Variants in STX18 observed in about 807,000 individuals in gnomAD.
STX18 encodes syntaxin 18, also known as syntaxin-18.
A neutral mutation model predicts 50.1 loss-of-function variants in STX18; 40 were observed. That is an observed-to-expected ratio of 0.80 (90% CI 0.62 to 1.04). The LOEUF (loss-of-function observed/expected upper bound fraction) is 1.04. STX18 is among the 50% of genes least tolerant of loss of function. The probability of loss-of-function intolerance (pLI) is 0.00; values close to 1 mark genes in which losing one functional copy is unlikely to be tolerated. For synonymous variants in STX18, 158 were observed against 151.8 expected (o/e 1.04, Z -0.30); for missense variants, 410 against 415.8 (o/e 0.99, Z 0.12).
Position 4,440,957 on chromosome 4 carries a change from CA to C in STX18, c.498-2449del, listed in dbSNP as rs544219731. ...TGCAGTTAGAAGGCAACTAGGGCTG[CA>C]GTCATCTGAAGGGCTGACCAGGGCT... On this transcript the variant is annotated intron_variant, in intron 5 of 10. Coordinates refer to ENST00000306200, the MANE Select transcript of STX18 (RefSeq NM_016930.4). 2.5e-4 allele frequency among the ~76,000 whole-genome samples: 38 copies of C among 152,298 alleles called. 1 individual carries two copies. In the East Asian group the frequency reaches 7.3e-3, roughly 29 times the overall value.
At chr4:4,491,640 C>T (rs1728946592) in intron 1 of STX18, among the ~76,000 whole-genome samples, 1 of 151,970 alleles carries the variant, frequency 6.6e-6, no homozygotes, top group Non-Finnish European at 1.5e-5. Context: ...TAGAAAATGG[C>T]TATGTACTTT....
intron 7 of STX18, among the ~76,000 whole-genome samples, chr4:4,428,573 T>C (rs1175718549): frequency 6.6e-6 from 1 of 152,170 alleles, no homozygotes; most frequent in Non-Finnish European, 1.5e-5. Context: ...TGTCAGTTTC[T>C]GGATATGCAA....
intron 1 of STX18, among the ~76,000 whole-genome samples, chr4:4,522,563 T>A (rs1730555708): frequency 6.6e-6 from 1 of 152,192 alleles, no homozygotes; most frequent in Non-Finnish European, 1.5e-5. Flanking sequence ...TGATTAAAAG[T>A]AACACACTAG....
At chr4:4,456,020 C>CA (rs1312729826) in intron 5 of STX18, among the ~76,000 whole-genome samples, 6 of 152,228 alleles carry the variant, frequency 3.9e-5, no homozygotes, top group African/African-American at 1.4e-4. Context: ...CATGGTGGCT[C>CA]ACGCCTGTAG....
In STX18 at chr4:4,420,037, G is replaced by A; in HGVS notation, c.1005C>T (p.Ser335=). Residue 335 remains serine, a synonymous_variant, in exon 11 of 11, where the codon AGC becomes AGT. Coordinates refer to ENST00000306200, the MANE Select transcript of STX18 (RefSeq NM_016930.4). This position sits in a 1 kb window ranked among gnomAD's most constrained non-coding sequence, Gnocchi z 4.3. ...TGCTGGGCCCCCGTGGCCCTGGCTA[G>A]CTGTCGTACCAGTCGAGGAAGAGCA... ...FSLLFLDWYD[S] is the part of the protein sequence containing the mutation. 6.2e-7 allele frequency: 1 copy of A among 1,611,100 alleles called. No homozygotes were observed. The highest frequency in any genetic ancestry group is 8.5e-7 in the Non-Finnish European group (1 of 1,178,636).
intron 7 of STX18, among the ~76,000 whole-genome samples, chr4:4,432,216 G>A (rs907516068): frequency 6.6e-6 from 1 of 152,200 alleles, no homozygotes. Context: ...TACCATCACT[G>A]GAATCAGTTT....
At chr4:4,458,307 A>T (rs1303124346) in intron 3 of STX18, among the ~76,000 whole-genome samples, 2 of 152,214 alleles carry the variant, frequency 1.3e-5, no homozygotes, top group Non-Finnish European at 2.9e-5. Context: ...CAATGAATGT[A>T]TATGCCCTTA....
At chr4:4,541,569 C>T (rs73796094) in intron 1 of STX18, among the ~76,000 whole-genome samples, 1,703 of 152,154 alleles carry the variant, frequency 0.011, 33 homozygotes, top group African/African-American at 0.039. Context: ...TCCCCCAATC[C>T]CTGTCGCCGC....
Position 4,438,399 on chromosome 4 carries a change from C to G in STX18, c.608G>C (p.Arg203Pro), listed in dbSNP as rs141565171. The G allele has an allele frequency of 1.9e-6, 3 of 1,609,160 alleles. No individual in the cohort carries two copies. Among genetic ancestry groups the G allele is most frequent in the Non-Finnish European group, 8.5e-7 (1 of 1,177,276 alleles). The stretch of plus-strand genomic sequence containing the variant: ...ATTTTCATCTCAATTCGTACCTGGA[C>G]GTTCTTCAGTGGCAGGGTTTTCTTC... The part of the protein sequence containing the change: ...DSEENPATEE[R>P]PEKILAETQP... The change falls in exon 6 of 11, where the codon CGT becomes CCT. Residue 203 changes from arginine to proline, a missense_variant. Transcript: ENST00000306200.
intron 9 of STX18, among the ~76,000 whole-genome samples, chr4:4,423,040 G>A (rs969182656): frequency 3.9e-5 from 6 of 152,220 alleles, no homozygotes; most frequent in Admixed American, 2.0e-4. Context: ...CATGGACCGC[G>A]CGTTGTGAGA....
At chr4:4,513,595 ACT>A (rs1355645584) in intron 1 of STX18, among the ~76,000 whole-genome samples, 2 of 152,160 alleles carry the variant, frequency 1.3e-5, no homozygotes, top group East Asian at 3.9e-4. Flanking sequence ...AATAGACACT[ACT>A]GTTTTCAAAA....
At chr4:4,529,766 A>G (rs1041105859) in intron 1 of STX18, among the ~76,000 whole-genome samples, 2 of 152,242 alleles carry the variant, frequency 1.3e-5, no homozygotes, top group African/African-American at 4.8e-5. Context: ...CCTAACTTGA[A>G]AGGATAGTCA....
At chr4:4,501,590 T>C (rs542616357) in intron 1 of STX18, among the ~76,000 whole-genome samples, 2 of 152,286 alleles carry the variant, frequency 1.3e-5, no homozygotes, top group African/African-American at 2.4e-5. Flanking sequence ...TCTAACATTT[T>C]ATGATTCTTA....
chr4:4,439,008 CATATATACCACAT>C (rs1725944290), intron 5 of STX18, among the ~76,000 whole-genome samples: 1 of 148,716 alleles, frequency 6.7e-6, no homozygotes, highest in African/African-American at 2.5e-5. Context: ...CACACACACA[CATATATACCACAT>C]ATATATACCC....
rs548130326 is a variant in STX18, at chr4:4,433,275, G to C, written c.702+1495C>G. 3.9e-5 allele frequency among the ~76,000 whole-genome samples: 6 copies of C among 152,292 alleles called. No homozygotes were observed. In the East Asian group the frequency reaches 1.2e-3, roughly 29 times the overall value. ...TAATACTAGTAATAACTGAACACTA[G>C]AACATTCTAATAGTTATTACTGATG... On this transcript the variant is annotated intron_variant, in intron 7 of 10. Transcript: ENST00000306200.
rs199790349 is a variant in STX18 at position 4,456,263 on chromosome 4, C to CA, written c.497+927dup. On this transcript the variant is annotated intron_variant, in intron 5 of 10. Coordinates refer to ENST00000306200, the MANE Select transcript of STX18 (RefSeq NM_016930.4). ...ACAGGGTGAGACCCTGTCTCAAAAA[C>CA]AAAAAAAACAAAAAAAAACAAAAAA... Among the ~76,000 whole-genome samples, 454 of 146,960 alleles carry CA rather than the reference C, an allele frequency of 3.1e-3. 5 individuals carry two copies. The East Asian group carries it at 0.045, about 14-fold the overall frequency.
At chr4:4,509,033 T>G (rs911653020) in intron 1 of STX18, among the ~76,000 whole-genome samples, 4 of 152,240 alleles carry the variant, frequency 2.6e-5, no homozygotes, top group Admixed American at 2.6e-4. Context: ...TATGCATGCA[T>G]GTATCTTTAC....
chr4:4,527,840 T>TTA (rs200369697), intron 1 of STX18, among the ~76,000 whole-genome samples: 41 of 142,164 alleles, frequency 2.9e-4, no homozygotes, highest in Admixed American at 1.2e-3. Context: ...ATATATGTCT[T>TTA]TATATATATA....
intron 7 of STX18, among the ~76,000 whole-genome samples, chr4:4,433,534 T>TAAAAAAAAAAAAAAAAAA (rs10676475): frequency 9.0e-6 from 1 of 111,052 alleles, no homozygotes; most frequent in African/African-American, 3.2e-5. Context: ...AAAAATAAAT[T>TAAAAAAAAAAAAAAAAAA]AAAAAAAAAA....
Sources: gnomAD v4.1 joint callset for allele counts (sites outside exome capture counted in the v4.1 genomes callset) on GRCh38, gnomAD v4.1.1 for gene constraint, Gnocchi (gnomAD v3.1) non-coding constraint, MANE v1.5 for transcripts, NCBI Gene and HGNC (gene_info 2026-07-23, HGNC 2026-07-21) for gene names.